Variants in FTCDNL1 observed in about 807,000 individuals in gnomAD.
FTCDNL1 encodes the protein formiminotransferase N-terminal subdomain-containing protein.
A neutral mutation model predicts 5.9 loss-of-function variants in FTCDNL1; 11 were observed. That is an observed-to-expected ratio of 1.87 (90% confidence interval 1.18 to 3.10). The LOEUF (loss-of-function observed/expected upper bound fraction) is 3.10, where lower values mean the gene tolerates loss of function less well. FTCDNL1 is among the 30% of genes most tolerant of loss of function. The pLI is 0.00. For missense variants in FTCDNL1, 115 were observed against 65.5 expected (o/e 1.76, Z -2.61); for synonymous variants, 58 against 24.8 (o/e 2.34, Z -3.99).
intron 3 of FTCDNL1, among the ~76,000 whole-genome samples, chr2:199,842,938 CAAAA>C (rs34781142): frequency 9.6e-6 from 1 of 104,494 alleles, no homozygotes; most frequent in Non-Finnish European, 1.9e-5. Context: ...CATGCTGTTA[CAAAA>C]AAAAAAAAAA....
chr2:199,759,523 A>G (rs113788829), downstream of FTCDNL1, among the ~76,000 whole-genome samples: 23 of 152,308 alleles, frequency 1.5e-4, no homozygotes, highest in African/African-American at 5.1e-4. Context: ...ATTCAGCTGT[A>G]TCATACTATG....
chr2:199,815,915 G>A (rs1701324073), intron 4 of FTCDNL1, among the ~76,000 whole-genome samples: 1 of 152,028 alleles, frequency 6.6e-6, no homozygotes, highest in Non-Finnish European at 1.5e-5. Context: ...CAGGGGAATC[G>A]CTTGAACCCA....
chr2:199,789,713 G>T (rs1427512320), intron 3 of FTCDNL1, among the ~76,000 whole-genome samples: 1 of 151,938 alleles, frequency 6.6e-6, no homozygotes, highest in Non-Finnish European at 1.5e-5. Context: ...AAGCCCACAA[G>T]AAATTCAAGT....
At chr2:199,673,384 T>C in the FTCDNL1 span, among the ~76,000 whole-genome samples, 1 of 151,084 alleles carries the variant, frequency 6.6e-6, no homozygotes, top group South Asian at 2.1e-4. Context: ...GTAGTTTCCA[T>C]TGACATTTCC....
chr2:199,672,046 T>C, the FTCDNL1 span, among the ~76,000 whole-genome samples: 5 of 152,206 alleles, frequency 3.3e-5, no homozygotes, highest in African/African-American at 4.8e-5. Flanking sequence ...GATGATATGC[T>C]ATCTTCCTTT....
the FTCDNL1 span, among the ~76,000 whole-genome samples, chr2:199,732,446 T>TA: frequency 4.6e-5 from 7 of 152,156 alleles, no homozygotes; most frequent in Non-Finnish European, 8.8e-5. Context: ...GACATTGGCA[T>TA]AAAAAAGTAG....
At chr2:199,819,281 T>A in intron 4 of FTCDNL1, 1 of 363,852 alleles carries the variant, frequency 2.7e-6, no homozygotes, top group South Asian at 3.3e-5. Flanking sequence ...CCTGCCCCAG[T>A]GCCAGGAGCT....
chr2:199,745,004 C>T, the FTCDNL1 span, among the ~76,000 whole-genome samples: 1 of 152,222 alleles, frequency 6.6e-6, no homozygotes, highest in Non-Finnish European at 1.5e-5. Context: ...GACGCATCAT[C>T]CTGTGTCCAC....
chr2:199,672,704 T>C, the FTCDNL1 span, among the ~76,000 whole-genome samples: 1 of 152,020 alleles, frequency 6.6e-6, no homozygotes, highest in Admixed American at 6.6e-5. Context: ...GGACCTTCTC[T>C]AAGTGGTCTC....
At chr2:199,763,995 C>A (rs112214438) in intron 3 of FTCDNL1, among the ~76,000 whole-genome samples, 2,149 of 152,202 alleles carry the variant, frequency 0.014, 40 homozygotes, top group African/African-American at 0.049. Flanking sequence ...ATGCCTGCCA[C>A]GACACCTGGC....
At chr2:199,829,196 T>C (rs942588956) in intron 3 of FTCDNL1, among the ~76,000 whole-genome samples, 1 of 152,176 alleles carries the variant, frequency 6.6e-6, no homozygotes, top group African/African-American at 2.4e-5. Flanking sequence ...TAGGTTATTT[T>C]TTTCCCCCAA....
intron 3 of FTCDNL1, among the ~76,000 whole-genome samples, chr2:199,798,403 A>C (rs1271852009): frequency 1.3e-5 from 2 of 152,232 alleles, no homozygotes; most frequent in Non-Finnish European, 2.9e-5. Context: ...AATGAGTTAA[A>C]TACCCCAGCC....
At chr2:199,724,677 A>T in the FTCDNL1 span, among the ~76,000 whole-genome samples, 1 of 152,060 alleles carries the variant, frequency 6.6e-6, no homozygotes, top group Non-Finnish European at 1.5e-5. Context: ...TTCAATTTCC[A>T]TGTAGTTGTG....
chr2:199,778,481 G>A (rs138355781), intron 3 of FTCDNL1, among the ~76,000 whole-genome samples: 1 of 152,216 alleles, frequency 6.6e-6, no homozygotes, highest in East Asian at 1.9e-4. Context: ...CCATTCCAAG[G>A]GTCTAAGGGC....
chr2:199,845,542 G>GTCTGGGTGATGGAGTGAGAC (rs2076708695), intron 3 of FTCDNL1, among the ~76,000 whole-genome samples: 1 of 152,062 alleles, frequency 6.6e-6, no homozygotes, highest in Admixed American at 6.5e-5. Flanking sequence ...CTGCACTCCA[G>GTCTGGGTGATGGAGTGAGAC]TCTGGGTGAT....
At chr2:199,814,293 G>A (rs937076863) in intron 4 of FTCDNL1, among the ~76,000 whole-genome samples, 5 of 152,144 alleles carry the variant, frequency 3.3e-5, no homozygotes, top group Admixed American at 6.5e-5. Flanking sequence ...ACTTGTCTCC[G>A]TGTGGCTGAA....
At chr2:199,837,422 T>C (rs1702826179) in intron 3 of FTCDNL1, among the ~76,000 whole-genome samples, 1 of 152,220 alleles carries the variant, frequency 6.6e-6, no homozygotes, top group Non-Finnish European at 1.5e-5. Context: ...GTTAGAACTA[T>C]ATCAGAACCC....
intron 3 of FTCDNL1, 92 bp downstream of exon 3, chr2:199,845,983 T>A: frequency 1.8e-6 from 1 of 564,306 alleles, no homozygotes; most frequent in East Asian, 2.8e-5. Flanking sequence ...GGAGTATTCA[T>A]ATTTACAGAG....
At chr2:199,745,413 C>T in the FTCDNL1 span, among the ~76,000 whole-genome samples, 1 of 152,302 alleles carries the variant, frequency 6.6e-6, no homozygotes, top group South Asian at 2.1e-4. Context: ...TGACAGGTTT[C>T]TGTTTTTAAC....
Sources: gnomAD v4.1 joint callset for allele counts (sites outside exome capture counted in the v4.1 genomes callset) on GRCh38, gnomAD v4.1.1 for gene constraint, MANE v1.5 for transcripts, NCBI Gene and HGNC (gene_info 2026-07-23, HGNC 2026-07-21) for gene names.